NHSL2: variants seen among roughly 807,000 people sequenced by gnomAD.
The protein encoded by NHSL2 is NHS like 2, also known as NHS-like protein 2.
NHSL2 carries 27 observed loss-of-function variants against 53.4 expected under a neutral mutation model. The observed-to-expected ratio is 0.51, with a 90% CI of 0.37 to 0.70. The LOEUF is 0.70. NHSL2 is among the 30% of genes least tolerant of loss of function. NHSL2 has a pLI of 0.00. For synonymous variants in NHSL2, 408 were observed against 404.1 expected, an observed-to-expected ratio of 1.01 and a Z score of -0.12; for missense variants, 892 against 980.1, an observed-to-expected ratio of 0.91 and a Z score of 1.20.
intron 5 of NHSL2, among the ~76,000 whole-genome samples, chrX:72,138,100 G>T (rs2042375528): frequency 8.9e-6 from 1 of 111,748 alleles, no homozygotes. Context: ...TCTCTAGATG[G>T]ATGAATGCTG....
At chrX:72,096,842 CAA>C (rs949472747) in intron 1 of NHSL2, among the ~76,000 whole-genome samples, 5 of 111,717 alleles carry the variant, frequency 4.5e-5, no homozygotes, top group Non-Finnish European at 9.4e-5. Flanking sequence ...AGGCTGGACT[CAA>C]ACTCCTGGGC....
chrX:71,997,966 T>C (rs1435502973), intron 1 of NHSL2, among the ~76,000 whole-genome samples: 2 of 112,300 alleles, frequency 1.8e-5, no homozygotes, highest in Non-Finnish European at 3.8e-5. Flanking sequence ...GCATTCTGAA[T>C]TTCATGCATG....
intron 1 of NHSL2, among the ~76,000 whole-genome samples, chrX:72,038,247 G>T (rs754850464): frequency 1.8e-5 from 2 of 112,148 alleles, no homozygotes; most frequent in African/African-American, 6.5e-5. Context: ...CCCTATGCCC[G>T]CTGTGCAGGC....
At chrX:71,981,536 C>CAAAAAAAAAA (rs140961615) in intron 1 of NHSL2, among the ~76,000 whole-genome samples, 2 of 66,622 alleles carry the variant, frequency 3.0e-5, no homozygotes, top group Admixed American at 2.0e-4. Context: ...GACTCTGTCT[C>CAAAAAAAAAA]AAAAAAAAAA....
intron 1 of NHSL2, among the ~76,000 whole-genome samples, chrX:72,096,565 A>T (rs766866378): frequency 2.7e-5 from 3 of 112,442 alleles, no homozygotes; most frequent in African/African-American, 9.7e-5. Context: ...TGAACGCAGA[A>T]TTCCTCTTAA....
chrX:71,920,751 C>T (rs1224917756), intron 1 of NHSL2, among the ~76,000 whole-genome samples: 1 of 111,898 alleles, frequency 8.9e-6, no homozygotes. Flanking sequence ...AAAATGATCT[C>T]GCAGATGAAT....
intron 1 of NHSL2, among the ~76,000 whole-genome samples, chrX:71,993,846 A>C (rs771035120): frequency 4.5e-5 from 5 of 110,880 alleles, no homozygotes; most frequent in Non-Finnish European, 9.5e-5. Context: ...TTACTTTTGA[A>C]AACACTATGC....
intron 1 of NHSL2, among the ~76,000 whole-genome samples, chrX:71,977,258 G>GATA (rs1200668223): frequency 8.9e-6 from 1 of 111,782 alleles, no homozygotes; most frequent in Non-Finnish European, 1.9e-5. Flanking sequence ...TAAAGTGGCA[G>GATA]ATAATAATAA....
In NHSL2 at chrX:72,151,883, G is replaced by A; in HGVS notation, c.*8309G>A. The A allele has an allele frequency of 8.9e-6, 1 of 112,371 alleles. No individual in the cohort carries two copies. Among genetic ancestry groups the A allele is most frequent in the Non-Finnish European group, 1.9e-5 (1 of 53,278 alleles). The allele number at this position is 112,371 out of a possible 1,213,427, so 9.3% of individuals were successfully genotyped here. A position where few individuals can be genotyped will look rare whatever the true frequency, so the allele number is the denominator to read the frequency against. ...CCTAGGGAAATCACCAGGTTCCAAA[G>A]GCTGGTTTTTAAACCTAGAATATCC... is the stretch of plus-strand genomic sequence containing the variant. On this transcript the variant is annotated 3_prime_UTR_variant, in exon 8 of 8. Transcript: ENST00000633930.
In NHSL2 at chrX:72,139,297, C is replaced by T; in HGVS notation, c.1749C>T (p.Gly583=). 15 of 1,206,934 alleles carry T rather than the reference C, an allele frequency of 1.2e-5. No individual in the cohort carries two copies. Among genetic ancestry groups the T allele is most frequent in the Non-Finnish European group, 1.7e-5 (15 of 892,888 alleles). ...RSVSLVKDEP[G]LLPEGGSALP... is the part of the protein sequence containing the mutation. Reference sequence around the variant, plus strand: ...TCTCACTGGTCAAAGATGAGCCAGGCCTCTTGCCTGAAGGTGGGTCAGCAC... The same window carrying T: ...TCTCACTGGTCAAAGATGAGCCAGGTCTCTTGCCTGAAGGTGGGTCAGCAC... The change falls in exon 6 of 8, where the codon GGC becomes GGT. Residue 583 remains glycine (G), a synonymous_variant. Coordinates refer to ENST00000633930, the MANE Select transcript of NHSL2 (RefSeq NM_001013627.3).
chrX:72,134,671 A>G lies in NHSL2; in HGVS notation c.727A>G (p.Thr243Ala), dbSNP rs1218471585. 2 of 1,166,872 alleles carry G rather than the reference A, an allele frequency of 1.7e-6. No individual in the cohort carries two copies. The highest frequency in any genetic ancestry group is 5.1e-5 in the Admixed American group (2 of 38,849). The change falls in exon 4 of 8, where the codon ACG becomes GCG. Residue 243 changes from threonine (T) to alanine (A), a missense_variant. Thr to Ala is a moderately conservative substitution (Grantham distance 58). Transcript: ENST00000633930. ...EEKRWPQLCS[T>A]QSDIVPINIS... The stretch of plus-strand genomic sequence containing the variant: ...GAAGCGGTGGCCTCAGCTTTGCTCC[A>G]CGCAGTCTGACATTGTGCCCATCAA...
chrX:72,140,758 G>T lies in NHSL2; in HGVS notation c.3210G>T (p.Glu1070Asp), dbSNP rs147594691. 1.2e-3 allele frequency: 1,407 copies of T among 1,177,087 alleles called. 5 individuals carry two copies. The African/African-American group carries it at 0.022, about 18-fold the overall frequency. Residue 1070 changes from glutamate to aspartate, a missense_variant, in exon 6 of 8, where the codon GAG becomes GAT. Glu to Asp is a conservative substitution (Grantham distance 45, BLOSUM62 2). Coordinates refer to ENST00000633930, the MANE Select transcript of NHSL2 (RefSeq NM_001013627.3). ...CTCCTCAGGCTGACAGTGAAAGGGA[G>T]GCAAGCCCTCTGGGTTAGTAAACTG... is the stretch of plus-strand genomic sequence containing the variant. Reference protein sequence around the residue: ...TSTPQADSEREASPLGSSVEP... With the variant: ...TSTPQADSERDASPLGSSVEP...
At position 72,005,018 on chromosome X, in the gene NHSL2, G is replaced by A. The variant is rs1206250280; in HGVS notation, c.280+93651G>A. Reference sequence around the variant, plus strand: ...GTTTCCCACCCACCGAGCTAAGGCAGGCTGAGATACAAATGCATATTGCCC... The same window carrying A: ...GTTTCCCACCCACCGAGCTAAGGCAAGCTGAGATACAAATGCATATTGCCC... On this transcript the variant is annotated intron_variant, in intron 1 of 7. Transcript: ENST00000633930. 3.6e-5 allele frequency among the ~76,000 whole-genome samples: 4 copies of A among 111,623 alleles called. No individual in the cohort carries two copies. In the East Asian group the frequency reaches 1.1e-3, roughly 31 times the overall value.
intron 1 of NHSL2, among the ~76,000 whole-genome samples, chrX:72,021,503 A>C (rs1399567942): frequency 8.9e-6 from 1 of 111,868 alleles, no homozygotes; most frequent in Non-Finnish European, 1.9e-5. Flanking sequence ...CTCTGAATCT[A>C]TACTGGGGTA....
intron 1 of NHSL2, among the ~76,000 whole-genome samples, chrX:72,028,312 A>G (rs752200648): frequency 4.4e-5 from 5 of 112,741 alleles, no homozygotes; most frequent in Non-Finnish European, 9.4e-5. Flanking sequence ...GAAAGGGGGA[A>G]GCACAAAGGA....
chrX:72,019,054 C>T (rs758209170), intron 1 of NHSL2, among the ~76,000 whole-genome samples: 1 of 112,460 alleles, frequency 8.9e-6, no homozygotes, highest in South Asian at 3.7e-4. Flanking sequence ...CTGGTGTCGT[C>T]CCCACTCTCG....
chrX:72,016,787 G>A (rs975489546), intron 1 of NHSL2, among the ~76,000 whole-genome samples: 1 of 111,866 alleles, frequency 8.9e-6, no homozygotes, highest in Non-Finnish European at 1.9e-5. Context: ...CACTTGCTCT[G>A]CTGTTCAGTG....
chrX:72,021,992 C>T (rs781160868), intron 1 of NHSL2, among the ~76,000 whole-genome samples: 2 of 111,804 alleles, frequency 1.8e-5, no homozygotes, highest in Non-Finnish European at 3.8e-5. Context: ...TCAGTCATGC[C>T]TTAGAATTCC....
intron 1 of NHSL2, chrX:72,130,096 G>A (rs987051099): frequency 8.3e-7 from 1 of 1,211,348 alleles, no homozygotes; most frequent in Non-Finnish European, 1.1e-6. Flanking sequence ...TGTGGGGCCA[G>A]AAGTCTGGGA....
Sources: gnomAD v4.1 joint callset for allele counts (sites outside exome capture counted in the v4.1 genomes callset) on GRCh38, gnomAD v4.1.1 for gene constraint, MANE v1.5 for transcripts, NCBI Gene and HGNC (gene_info 2026-07-23, HGNC 2026-07-21) for gene names.